The following MAPK6 variants were observed in gnomAD, a reference collection of about 807,000 sequenced individuals.
MAPK6 encodes the protein mitogen-activated protein kinase 6.
A neutral mutation model predicts 59.3 loss-of-function variants in MAPK6; 19 were observed. The observed-to-expected ratio is 0.32, with a 90% CI of 0.22 to 0.47. The LOEUF is 0.47. Among genes scored for constraint, MAPK6 ranks in the 20% least tolerant of loss-of-function variants. The pLI, the probability that MAPK6 is intolerant of heterozygous loss-of-function variation, is 1.00. For synonymous variants in MAPK6, 316 were observed against 290.3 expected, an observed-to-expected ratio of 1.09 and a Z score of -0.90; for missense variants, 724 against 847.9, an observed-to-expected ratio of 0.85 and a Z score of 1.81.
chr15:52,010,374 C>G (rs1317942673), intron 3 of MAPK6, among the ~76,000 whole-genome samples: 3 of 150,370 alleles, frequency 2.0e-5, no homozygotes, highest in African/African-American at 7.4e-5. Flanking sequence ...GCCACCACAC[C>G]CAGCTAATTT....
chr15:51,989,696 C>A (rs2057202153), intron 2 of MAPK6, among the ~76,000 whole-genome samples: 1 of 152,110 alleles, frequency 6.6e-6, no homozygotes, highest in African/African-American at 2.4e-5. Context: ...ACGCCCTGGG[C>A]TCAAGCAGTC....
intron 1 of MAPK6, among the ~76,000 whole-genome samples, chr15:52,026,277 A>C (rs1296615595): frequency 6.6e-6 from 1 of 151,844 alleles, no homozygotes; most frequent in Non-Finnish European, 1.5e-5. Flanking sequence ...TTAACCTCCT[A>C]CCTTTTTTTG....
intron 3 of MAPK6, among the ~76,000 whole-genome samples, chr15:52,052,469 A>G (rs970822916): frequency 6.6e-6 from 1 of 152,178 alleles, no homozygotes; most frequent in Non-Finnish European, 1.5e-5. Flanking sequence ...ATTTTTTAGT[A>G]TATTTACAGA....
intron 1 of MAPK6, among the ~76,000 whole-genome samples, chr15:51,977,079 C>T (rs2057159599): frequency 6.6e-6 from 1 of 151,368 alleles, no homozygotes. Flanking sequence ...TCTTGGCTCA[C>T]TGCAACCTCT....
intron 3 of MAPK6, among the ~76,000 whole-genome samples, chr15:52,012,988 A>G (rs1394397326): frequency 8.8e-5 from 1 of 11,416 alleles, no homozygotes; most frequent in Non-Finnish European, 1.7e-4. Context: ...CTCCGCCTGG[A>G]AAAAAAAAAA....
chr15:51,995,748 T>A (rs900179504), intron 2 of MAPK6, among the ~76,000 whole-genome samples: 5 of 151,978 alleles, frequency 3.3e-5, no homozygotes, highest in Admixed American at 6.6e-5. Context: ...CCCAACATGG[T>A]GAAACCCTGT....
chr15:51,977,300 G>A (rs2057160265), intron 1 of MAPK6, among the ~76,000 whole-genome samples: 1 of 151,626 alleles, frequency 6.6e-6, no homozygotes, highest in Non-Finnish European at 1.5e-5. Flanking sequence ...ACTGCGCCCG[G>A]CCGATCCATC....
chr15:52,053,943 A>G (rs145450292), intron 3 of MAPK6, among the ~76,000 whole-genome samples: 230 of 152,060 alleles, frequency 1.5e-3, no homozygotes, highest in African/African-American at 5.2e-3. Context: ...GGCCTGAAAC[A>G]AGATTTTAAT....
intron 2 of MAPK6, among the ~76,000 whole-genome samples, chr15:51,992,365 G>A (rs375918399): frequency 1.0e-4 from 15 of 149,236 alleles, no homozygotes; most frequent in African/African-American, 3.5e-4. Flanking sequence ...GCAGTGGTGC[G>A]ATCTCGGCTC....
intron 3 of MAPK6, among the ~76,000 whole-genome samples, chr15:52,012,310 TG>T (rs2030078504): frequency 6.6e-6 from 1 of 152,250 alleles, no homozygotes; most frequent in Admixed American, 6.5e-5. Flanking sequence ...TGGTAGCTTT[TG>T]TAAATGTGGT....
rs372424414 is a variant in MAPK6, at chr15:52,049,725, C to G, written c.556-268C>G. ...TACCTCCCGGGTTCGAGCGATTCTC[C>G]TGGCTCAGCCTCCCAAGTAGCTGGG... On this transcript the variant is annotated intron_variant, in intron 2 of 5. Coordinates refer to ENST00000261845, the MANE Select transcript of MAPK6 (RefSeq NM_002748.4). Among the ~76,000 whole-genome samples the G allele has an allele frequency of 2.9e-4, 44 of 151,958 alleles. 5 individuals are homozygous for G. Among genetic ancestry groups the G allele is most frequent in the South Asian group, 1.9e-3 (9 of 4,808 alleles).
At chr15:51,991,170 CACACACACACAT>C (rs1246458524) in intron 2 of MAPK6, among the ~76,000 whole-genome samples, 1 of 149,108 alleles carries the variant, frequency 6.7e-6, no homozygotes, top group Non-Finnish European at 1.5e-5. Flanking sequence ...CACACACACA[CACACACACACAT>C]ATATATATGT....
intron 3 of MAPK6, among the ~76,000 whole-genome samples, chr15:52,013,002 AAAAAAAAAAAAAAAAAAAATATATATAT>A (rs1184684785): frequency 7.2e-3 from 119 of 16,430 alleles, no homozygotes; most frequent in East Asian, 0.016. Flanking sequence ...AAAAAAAAAA[AAAAAAAAAAAAAAAAAAAATATATATAT>A]ATATATATAT....
chr15:52,043,235 G>A (rs553413034), intron 1 of MAPK6, among the ~76,000 whole-genome samples: 3 of 152,158 alleles, frequency 2.0e-5, no homozygotes, highest in African/African-American at 4.8e-5. Flanking sequence ...GAGACATGCA[G>A]TATTAAAGCC....
At chr15:51,977,303 G>A (rs1462178223) in intron 1 of MAPK6, among the ~76,000 whole-genome samples, 1 of 151,312 alleles carries the variant, frequency 6.6e-6, no homozygotes, top group South Asian at 2.1e-4. Context: ...GCGCCCGGCC[G>A]ATCCATCTTA....
chr15:52,042,773 A>G (rs1468160991), intron 1 of MAPK6: 2 of 152,182 alleles, frequency 1.3e-5, no homozygotes, highest in Non-Finnish European at 2.9e-5. Flanking sequence ...TACAGTGTAC[A>G]TTTATCAGAA....
rs943581061 is a variant in MAPK6 at position 52,066,219 on chromosome 15, A to G, written c.*1219A>G. On this transcript the variant is annotated 3_prime_UTR_variant, in exon 6 of 6. Transcript: ENST00000261845. ...TTGAATACTGTCTGTATCTTTGGTT[A>G]TCCTGTTTGAAGAAAAAGGACAAAT... 3 of 152,388 alleles carry G rather than the reference A, an allele frequency of 2.0e-5. No individual in the cohort carries two copies. Among genetic ancestry groups the G allele is most frequent in the Non-Finnish European group, 4.4e-5 (3 of 68,042 alleles). 9.4% of individuals were successfully genotyped at this position (152,388 alleles called of 1,614,324 possible).
chr15:52,010,514 C>T (rs796280891), intron 3 of MAPK6, among the ~76,000 whole-genome samples: 2,154 of 91,820 alleles, frequency 0.023, 81 homozygotes, highest in African/African-American at 0.085. Flanking sequence ...TGCACCCAGC[C>T]TTTTTTTTTT....
At chr15:51,998,803 G>C (rs1234203012) in intron 2 of MAPK6, among the ~76,000 whole-genome samples, 21 of 147,278 alleles carry the variant, frequency 1.4e-4, no homozygotes, top group African/African-American at 5.3e-4. Flanking sequence ...CCATTCTCCT[G>C]CCTCAGCCGC....
Sources: gnomAD v4.1 joint callset for allele counts (sites outside exome capture counted in the v4.1 genomes callset) on GRCh38, gnomAD v4.1.1 for gene constraint, MANE v1.5 for transcripts, NCBI Gene and HGNC (gene_info 2026-07-23, HGNC 2026-07-21) for gene names.